The following TMEM132B variants were observed in gnomAD, a reference collection of about 807,000 sequenced individuals.
TMEM132B encodes the protein transmembrane protein 132B.
Under a neutral mutation model 90.8 loss-of-function variants are expected in TMEM132B, and 18 were observed. That is an observed-to-expected ratio of 0.20 (90% confidence interval 0.14 to 0.29). The LOEUF (loss-of-function observed/expected upper bound fraction) is 0.29, where lower values mean the gene tolerates loss of function less well. Among genes scored for constraint, TMEM132B ranks in the 10% least tolerant of loss-of-function variants. The pLI is 1.00. For missense variants in TMEM132B, 1,096 were observed against 1,326.8 expected (o/e 0.83, Z 2.70); for synonymous variants, 504 against 523.3 (o/e 0.96, Z 0.50).
At chr12:125,397,786 A>G (rs1272278684) in intron 2 of TMEM132B, among the ~76,000 whole-genome samples, 1 of 152,228 alleles carries the variant, frequency 6.6e-6, no homozygotes, top group Non-Finnish European at 1.5e-5. Flanking sequence ...GTTAGGAACC[A>G]ATGCTTGGGG....
intron 1 of TMEM132B, among the ~76,000 whole-genome samples, chr12:125,340,379 C>T (rs1296691158): frequency 6.6e-6 from 1 of 152,032 alleles, no homozygotes; most frequent in Non-Finnish European, 1.5e-5. Context: ...ACATTATACA[C>T]CAGCAGAGAT....
intron 1 of TMEM132B, among the ~76,000 whole-genome samples, chr12:125,283,130 G>GC (rs1301216908): frequency 1.3e-5 from 2 of 152,112 alleles, no homozygotes; most frequent in South Asian, 2.1e-4. Flanking sequence ...TTTAACATGA[G>GC]CCCCCTTTTA....
chr12:125,293,880 G>A lies in TMEM132B; in HGVS notation c.68-55572G>A, dbSNP rs764819584. Among the ~76,000 whole-genome samples the A allele has an allele frequency of 4.9e-4, 74 of 152,336 alleles. 1 individual carries two copies. The highest frequency in any genetic ancestry group is 2.1e-4 in the South Asian group (1 of 4,822). ...TCTGAACTATGGAGTGGCACTGTGT[G>A]GCTTCCAAAGCTATGTCCCTAAAGG... On this transcript the variant is annotated intron_variant, in intron 1 of 8. Transcript: ENST00000682704.
At chr12:125,352,454 T>C (rs1272558965) in intron 2 of TMEM132B, among the ~76,000 whole-genome samples, 1 of 152,236 alleles carries the variant, frequency 6.6e-6, no homozygotes, top group Non-Finnish European at 1.5e-5. Context: ...TAGGAGACAG[T>C]GGTGGCTTTG....
intron 3 of TMEM132B, among the ~76,000 whole-genome samples, chr12:125,462,797 C>T (rs1026476214): frequency 4.6e-5 from 7 of 152,158 alleles, no homozygotes; most frequent in African/African-American, 1.4e-4. Context: ...TGGAAGAAAA[C>T]TTGACTAATC....
rs1189060860 is a variant in TMEM132B, at chr12:125,445,940, A to G, written c.1106+30263A>G. Among the ~76,000 whole-genome samples, 4 of 151,326 alleles carry G rather than the reference A, an allele frequency of 2.6e-5. No individual in the cohort carries two copies. The highest frequency in any genetic ancestry group is 9.7e-5 in the African/African-American group (4 of 41,336). On this transcript the variant is annotated intron_variant, in intron 3 of 8. Transcript: ENST00000682704. This position sits in a 1 kb window ranked among gnomAD's most constrained non-coding sequence, Gnocchi z 4.3. ...AGTTCCCTCCTTGCCTCGCAGGGAG[A>G]CAGCTCTGGGGTGGGCATCCCAGTG... is the stretch of plus-strand genomic sequence containing the variant.
chr12:125,437,689 A>G (rs925624985), intron 3 of TMEM132B, among the ~76,000 whole-genome samples: 1 of 152,236 alleles, frequency 6.6e-6, no homozygotes, highest in African/African-American at 2.4e-5. Flanking sequence ...GAACCTTGAA[A>G]ACATGACGCT....
rs1432289034 is a variant in TMEM132B at position 125,644,120 on chromosome 12, G to C, written c.1482G>C (p.Met494Ile). The C allele has an allele frequency of 6.2e-7, 1 of 1,614,088 alleles. No individual in the cohort carries two copies. The highest frequency in any genetic ancestry group is 1.7e-5 in the Admixed American group (1 of 60,004). ...CDSIFVNGKE[M>I]KSKVDTIVNF... ...CCATTTTTGTGAATGGGAAGGAAAT[G>C]AAGAGCAAAGTGGACACGATTGTGA... Residue 494 changes from methionine to isoleucine, a missense_variant, in exon 6 of 9, where the codon ATG becomes ATC. Transcript: ENST00000682704.
At chr12:125,380,009 G>T (rs1370493683) in intron 2 of TMEM132B, among the ~76,000 whole-genome samples, 1 of 152,188 alleles carries the variant, frequency 6.6e-6, no homozygotes, top group Non-Finnish European at 1.5e-5. Flanking sequence ...GAATACTGTG[G>T]TGCAGGAAAG....
rs182522985 is a variant in TMEM132B at position 125,490,626 on chromosome 12, C to A, written c.1107-28813C>A. Among the ~76,000 whole-genome samples, 219 of 152,152 alleles carry A rather than the reference C, an allele frequency of 1.4e-3. No homozygotes were observed. The highest frequency in any genetic ancestry group is 5.2e-3 in the African/African-American group (216 of 41,518). On this transcript the variant is annotated intron_variant, in intron 3 of 8. Coordinates refer to ENST00000682704, the MANE Select transcript of TMEM132B (RefSeq NM_001366854.1). The surrounding 1 kb of genome is among the most constrained non-coding windows in gnomAD (Gnocchi z 4.2). Reference sequence around the variant, plus strand: ...TACAGACACCTGCCACCACGCCTGGCTAATTTTTTGTGTGTGTTTTTAGTA... The same window carrying A: ...TACAGACACCTGCCACCACGCCTGGATAATTTTTTGTGTGTGTTTTTAGTA...
intron 4 of TMEM132B, among the ~76,000 whole-genome samples, chr12:125,576,234 A>G (rs1190169102): frequency 6.6e-6 from 1 of 152,028 alleles, no homozygotes; most frequent in Non-Finnish European, 1.5e-5. Context: ...ATTAATTTCG[A>G]TGCTGTTATA....
At chr12:125,489,120 A>G (rs1043064134) in intron 3 of TMEM132B, among the ~76,000 whole-genome samples, 26 of 152,358 alleles carry the variant, frequency 1.7e-4, no homozygotes, top group African/African-American at 5.8e-4. Context: ...ATATGCAATG[A>G]TCTCTTTAAT....
chr12:125,226,231 G>C (rs964967940), intron 1 of TMEM132B, among the ~76,000 whole-genome samples: 1 of 152,190 alleles, frequency 6.6e-6, no homozygotes, highest in Admixed American at 6.5e-5. Flanking sequence ...AGTTGTGACA[G>C]AGCAAATAAA....
At chr12:125,413,197 T>C (rs2136355485) in intron 2 of TMEM132B, among the ~76,000 whole-genome samples, 1 of 152,310 alleles carries the variant, frequency 6.6e-6, no homozygotes, top group African/African-American at 2.4e-5. Flanking sequence ...CTGCTTGAAC[T>C]CTACCATGAG....
intron 3 of TMEM132B, among the ~76,000 whole-genome samples, chr12:125,430,748 A>G (rs1168815834): frequency 6.6e-6 from 1 of 152,244 alleles, no homozygotes; most frequent in East Asian, 1.9e-4. Flanking sequence ...AAAACCAGTG[A>G]GTCGGTCCTG....
intron 3 of TMEM132B, among the ~76,000 whole-genome samples, chr12:125,517,206 G>A (rs1883182003): frequency 6.6e-6 from 1 of 151,252 alleles, no homozygotes; most frequent in Non-Finnish European, 1.5e-5. Flanking sequence ...TTTCACCCAG[G>A]CTGGAGTGCA....
chr12:125,540,967 C>A (rs551604110), intron 4 of TMEM132B, among the ~76,000 whole-genome samples: 2 of 152,362 alleles, frequency 1.3e-5, no homozygotes, highest in Admixed American at 1.3e-4. Flanking sequence ...TGCTGTTTCT[C>A]AGATGTGCCA....
intron 1 of TMEM132B, among the ~76,000 whole-genome samples, chr12:125,227,812 G>C (rs959482802): frequency 6.6e-6 from 1 of 152,066 alleles, no homozygotes; most frequent in African/African-American, 2.4e-5. Context: ...CTGAACAAAA[G>C]TACCAGGAAT....
chr12:125,200,570 G>T (rs1398598914), intron 1 of TMEM132B, among the ~76,000 whole-genome samples: 2 of 152,190 alleles, frequency 1.3e-5, no homozygotes, highest in Non-Finnish European at 2.9e-5. Context: ...CATAGAAAGG[G>T]AGTTCAGAAA....
Sources: allele counts gnomAD v4.1 joint callset (sites outside exome capture counted in the v4.1 genomes callset), GRCh38; gene constraint gnomAD v4.1.1; non-coding constraint Gnocchi (gnomAD v3.1); transcripts MANE v1.5; gene names NCBI Gene and HGNC (gene_info 2026-07-23, HGNC 2026-07-21).